Variants in ILDR2 observed in about 807,000 individuals in gnomAD.
The protein encoded by ILDR2 is immunoglobulin like domain containing receptor 2, also known as immunoglobulin-like domain-containing receptor 2.
Under a neutral mutation model 66.8 loss-of-function variants are expected in ILDR2, and 25 were observed. The observed-to-expected ratio is 0.37, with a 90% CI of 0.27 to 0.52. ILDR2 has a LOEUF of 0.52. Among genes scored for constraint, ILDR2 ranks in the 20% least tolerant of loss-of-function variants. The pLI is 0.88. For synonymous variants in ILDR2, 367 were observed against 357.2 expected, an observed-to-expected ratio of 1.03 and a Z score of -0.31; for missense variants, 827 against 876.8, an observed-to-expected ratio of 0.94 and a Z score of 0.72.
intron 1 of ILDR2, among the ~76,000 whole-genome samples, chr1:166,962,449 G>A (rs1662677685): frequency 6.6e-6 from 1 of 152,168 alleles, no homozygotes; most frequent in African/African-American, 2.4e-5. Context: ...GTTGGGTATT[G>A]TTTCCTATAC....
chr1:166,965,532 G>A (rs547646893), intron 1 of ILDR2, among the ~76,000 whole-genome samples: 2 of 147,166 alleles, frequency 1.4e-5, no homozygotes, highest in African/African-American at 5.1e-5. Context: ...TGCCCAACCT[G>A]TACAAATCTT....
At chr1:166,944,641 C>G (rs1225723576) in intron 3 of ILDR2, among the ~76,000 whole-genome samples, 3 of 152,158 alleles carry the variant, frequency 2.0e-5, no homozygotes, top group East Asian at 3.8e-4. Context: ...ACACCTTTTT[C>G]TTGGTAGGTT....
At chr1:166,929,485 A>G (rs1481192629) in intron 6 of ILDR2, among the ~76,000 whole-genome samples, 4 of 152,212 alleles carry the variant, frequency 2.6e-5, no homozygotes, top group Non-Finnish European at 5.9e-5. Flanking sequence ...CTGGATCTCC[A>G]TGTGCCTAAA....
In ILDR2 at chr1:166,975,272, C is replaced by A; in HGVS notation, c.-4G>T. ...ACCTCAGCAAGACCCTATCCATCTT[C>A]CCCAACTTCCCAGCCGAATTACGGA... On this transcript the variant is annotated 5_prime_UTR_variant, in exon 1 of 10. Coordinates refer to ENST00000271417, the MANE Select transcript of ILDR2 (RefSeq NM_199351.3). The A allele has an allele frequency of 1.2e-6, 2 of 1,613,062 alleles. No homozygotes were observed. The highest frequency in any genetic ancestry group is 1.7e-6 in the Non-Finnish European group (2 of 1,179,194).
intron 2 of ILDR2, among the ~76,000 whole-genome samples, chr1:166,899,392 CAAA>C (rs1256137812): frequency 1.1e-5 from 1 of 87,678 alleles, no homozygotes; most frequent in African/African-American, 4.4e-5. Flanking sequence ...GACTCCATCT[CAAA>C]AAAAAAAAAA....
At chr1:166,966,800 T>G (rs1264916902) in intron 1 of ILDR2, among the ~76,000 whole-genome samples, 4 of 152,186 alleles carry the variant, frequency 2.6e-5, no homozygotes, top group Admixed American at 2.6e-4. Flanking sequence ...AAAACTGTCT[T>G]GGTTTCCAAG....
At position 166,899,402 on chromosome 1, in the gene ILDR2, A is replaced by G. The variant is rs564999095; in HGVS notation, n.172-3301T>C. ...AATGAGACTCCATCTCAAAAAAAAAAAAAAGAAAAGAAAAGAAAAAGAAAA... is the reference window on the plus strand; with the variant it reads ...AATGAGACTCCATCTCAAAAAAAAAGAAAAGAAAAGAAAAGAAAAAGAAAA... On this transcript the variant is annotated intron_variant and non_coding_transcript_variant, in intron 2 of 2. Coordinates refer to the ILDR2 transcript ENST00000414590. 1.1e-4 allele frequency among the ~76,000 whole-genome samples: 16 copies of G among 152,132 alleles called. No individual in the cohort carries two copies. The South Asian group carries it at 1.4e-3, about 14-fold the overall frequency.
intron 3 of ILDR2, among the ~76,000 whole-genome samples, chr1:166,948,191 C>G (rs1232277821): frequency 6.6e-6 from 1 of 152,112 alleles, no homozygotes. Context: ...CCCCAACCCT[C>G]TGGATCTTCT....
chr1:166,946,287 T>C (rs1472666165), intron 3 of ILDR2, among the ~76,000 whole-genome samples: 2 of 152,194 alleles, frequency 1.3e-5, no homozygotes, highest in Non-Finnish European at 2.9e-5. Flanking sequence ...TAGCCCCCTT[T>C]TCTTTTATAT....
chr1:166,921,357 T>A lies in ILDR2; in HGVS notation c.1234A>T (p.Met412Leu). ...GTGGCGAAGTTCTTCCGCGACAGCA[T>A]CTCCGACTTGGAGCGCGGCTGGCTG... ...RHSQPRSKSE[M>L]LSRKNFATGV... Residue 412 changes from methionine to leucine, a missense_variant, in exon 9 of 10, where the codon ATG becomes TTG. Coordinates refer to ENST00000271417, the MANE Select transcript of ILDR2 (RefSeq NM_199351.3). This position sits in a 1 kb window ranked among gnomAD's most constrained non-coding sequence, Gnocchi z 5.3. 1.3e-6 allele frequency: 2 copies of A among 1,576,246 alleles called. No homozygotes were observed. Among genetic ancestry groups the A allele is most frequent in the Non-Finnish European group, 1.7e-6 (2 of 1,157,002 alleles).
Position 166,909,750 on chromosome 1 carries a change from T to TATAA in ILDR2, c.*9604_*9605insTTAT, listed in dbSNP as rs1553224633. 26 of 108,002 alleles carry TATAA rather than the reference T, an allele frequency of 2.4e-4. No homozygotes were observed. Among genetic ancestry groups the TATAA allele is most frequent in the African/African-American group, 9.0e-4 (22 of 24,580 alleles). The allele number at this position is 108,002 out of a possible 1,614,324, so 6.7% of individuals were successfully genotyped here. A position where few individuals can be genotyped will look rare whatever the true frequency, so the allele number is the denominator to read the frequency against. ...GTGTATACATACATATATATATATA[T>TATAA]ATATATATAAATATATATAAATATA... On this transcript the variant is annotated 3_prime_UTR_variant, in exon 10 of 10. Coordinates refer to ENST00000271417, the MANE Select transcript of ILDR2 (RefSeq NM_199351.3).
chr1:166,971,305 T>C (rs960093835), intron 1 of ILDR2, among the ~76,000 whole-genome samples: 5 of 152,182 alleles, frequency 3.3e-5, no homozygotes, highest in Non-Finnish European at 5.9e-5. Context: ...TGAACAAATA[T>C]CTTAACTCAG....
rs557612528 is a variant in ILDR2 at position 166,955,072 on chromosome 1, G to A, written c.499+1661C>T. 1.1e-4 allele frequency among the ~76,000 whole-genome samples: 16 copies of A among 152,272 alleles called. No individual in the cohort carries two copies. In the East Asian group the frequency reaches 3.1e-3, roughly 29 times the overall value. On this transcript the variant is annotated intron_variant, in intron 3 of 9. Coordinates refer to ENST00000271417, the MANE Select transcript of ILDR2 (RefSeq NM_199351.3). ...ATTAGGGTTGTGATTAAGCAAAAATGTGTCTTTTTATTCCTTTTTGATTTA... is the reference window on the plus strand; with the variant it reads ...ATTAGGGTTGTGATTAAGCAAAAATATGTCTTTTTATTCCTTTTTGATTTA...
In ILDR2 at chr1:166,922,779, A is replaced by C; in HGVS notation, c.1025T>G (p.Leu342Arg). 6.2e-7 allele frequency: 1 copy of C among 1,614,188 alleles called. No individual in the cohort carries two copies. The highest frequency in any genetic ancestry group is 8.5e-7 in the Non-Finnish European group (1 of 1,180,022). Residue 342 changes from leucine to arginine, a missense_variant, in exon 8 of 10, where the codon CTA becomes CGA. By Grantham distance (102) the Leu-to-Arg change is moderately radical. Coordinates refer to ENST00000271417, the MANE Select transcript of ILDR2 (RefSeq NM_199351.3). ...YNNTISELSS[L>R]HEEDSNFRQS... ...GCGGAAATTGCTGTCCTCCTCATGTAGGGAGCTGAGTTCTGAGATGGTGTT... is the reference window on the plus strand; with the variant it reads ...GCGGAAATTGCTGTCCTCCTCATGTCGGGAGCTGAGTTCTGAGATGGTGTT...
chr1:166,922,834 T>G, intron 7 of ILDR2, 25 bp from the exon 8 acceptor site: 1 of 1,592,460 alleles, frequency 6.3e-7, no homozygotes, highest in Non-Finnish European at 8.6e-7. Context: ...TCAGGCATGA[T>G]AGAGCTTTTT....
intron 1 of ILDR2, among the ~76,000 whole-genome samples, chr1:166,962,282 A>T (rs1453828832): frequency 2.6e-5 from 4 of 152,104 alleles, no homozygotes; most frequent in African/African-American, 9.7e-5. Flanking sequence ...ACTGGGCAGC[A>T]TCTCTTTCTC....
intron 3 of ILDR2, among the ~76,000 whole-genome samples, chr1:166,950,189 G>A (rs1380820525): frequency 6.6e-6 from 1 of 152,154 alleles, no homozygotes; most frequent in Non-Finnish European, 1.5e-5. Flanking sequence ...CTTCTGCCAG[G>A]AGTAAACTTT....
At chr1:166,938,832 G>A (rs1011703248) in intron 4 of ILDR2, among the ~76,000 whole-genome samples, 1 of 152,098 alleles carries the variant, frequency 6.6e-6, no homozygotes, top group Non-Finnish European at 1.5e-5. Flanking sequence ...TTCTCTCTGT[G>A]CCTCCCTCAA....
At chr1:166,972,011 A>C (rs1046316992) in intron 1 of ILDR2, among the ~76,000 whole-genome samples, 9 of 152,140 alleles carry the variant, frequency 5.9e-5, no homozygotes, top group Admixed American at 5.9e-4. Flanking sequence ...TGGGAGTTTG[A>C]GACCCACGTA....
Sources: allele counts gnomAD v4.1 joint callset (sites outside exome capture counted in the v4.1 genomes callset), GRCh38; gene constraint gnomAD v4.1.1; non-coding constraint Gnocchi (gnomAD v3.1); transcripts MANE v1.5; gene names NCBI Gene and HGNC (gene_info 2026-07-23, HGNC 2026-07-21).